NFATC3: variants seen among roughly 807,000 people sequenced by gnomAD.
NFATC3 encodes nuclear factor of activated T cells 3.
NFATC3 carries 46 observed loss-of-function variants against 98.6 expected under a neutral mutation model. The observed-to-expected ratio is 0.47, with a 90% CI of 0.37 to 0.60. The LOEUF is 0.60. Ranked by LOEUF, NFATC3 falls within the 20% of genes least tolerant of loss-of-function variation. The probability of loss-of-function intolerance (pLI) is 0.00; values close to 1 mark genes in which losing one functional copy is unlikely to be tolerated. For missense variants in NFATC3, 1,256 were observed against 1,295.5 expected, an observed-to-expected ratio of 0.97 and a Z score of 0.47; for synonymous variants, 512 against 472.2, an observed-to-expected ratio of 1.08 and a Z score of -1.09.
At chr16:68,166,724 C>G in intron 4 of NFATC3, 119 bp from the exon 5 acceptor site, 1 of 756,302 alleles carries the variant, frequency 1.3e-6, no homozygotes, top group East Asian at 2.7e-5. Flanking sequence ...ACATATCTTT[C>G]TTTTTTGACC....
At position 68,181,492 on chromosome 16, in the gene NFATC3, G is replaced by A. The variant is rs1414864480; in HGVS notation, c.1933G>A (p.Glu645Lys). The A allele has an allele frequency of 2.5e-6, 4 of 1,611,694 alleles. No homozygotes were observed. The highest frequency in any genetic ancestry group is 3.4e-6 in the Non-Finnish European group (4 of 1,178,180). ...EKGQDGRPQW[E>K]VEGKIIREKC... ...TTCAATAGATGGACGACCTCAGTGG[G>A]AGGTAGAAGGGAAGATAATCAGGGA... The change falls in exon 7 of 10, where the codon GAG (glutamate) becomes AAG (lysine). Residue 645 changes from glutamate to lysine, a missense_variant. Around this residue, in one of 3 missense-constraint regions of NFATC3, gnomAD observed 636 missense variants for 617.3 expected, o/e 1.03. Transcript: ENST00000346183.
At chr16:68,200,913 T>C (rs1345574508) in intron 9 of NFATC3, 1 of 152,184 alleles carries the variant, frequency 6.6e-6, no homozygotes. Flanking sequence ...ATAACAGATA[T>C]GGAAACTGTC....
At chr16:68,099,628 T>A (rs994715415) in intron 1 of NFATC3, among the ~76,000 whole-genome samples, 1 of 150,996 alleles carries the variant, frequency 6.6e-6, no homozygotes, top group East Asian at 1.9e-4. Flanking sequence ...ATAATAATAA[T>A]AATAAAAAAT....
chr16:68,158,191 A>G, intron 4 of NFATC3, 123 bp downstream of exon 4: 2 of 624,244 alleles, frequency 3.2e-6, no homozygotes, highest in Non-Finnish European at 5.2e-6. Flanking sequence ...TAAATAATGT[A>G]CATTTAGTAC....
intron 9 of NFATC3, among the ~76,000 whole-genome samples, chr16:68,207,983 A>G (rs1345841247): frequency 6.6e-6 from 1 of 151,994 alleles, no homozygotes; most frequent in Non-Finnish European, 1.5e-5. Flanking sequence ...GCATCTTTTC[A>G]TGTGCCTGTT....
At chr16:68,086,571 A>C in intron 1 of NFATC3, 21 of 862,608 alleles carry the variant, frequency 2.4e-5, no homozygotes, top group South Asian at 5.4e-5. Flanking sequence ...CTGGGGACTT[A>C]GAGCTCTTTT....
At chr16:68,186,761 G>C (rs1281097188) in intron 8 of NFATC3, among the ~76,000 whole-genome samples, 11 of 152,112 alleles carry the variant, frequency 7.2e-5, no homozygotes. Context: ...TTAGTATTTT[G>C]TTGTATGACC....
intron 2 of NFATC3, among the ~76,000 whole-genome samples, chr16:68,125,987 G>T (rs953815381): frequency 5.3e-5 from 8 of 151,998 alleles, no homozygotes; most frequent in African/African-American, 1.9e-4. Flanking sequence ...CCGTCTCCTG[G>T]GCTCAAGCAT....
chr16:68,150,581 CA>C (rs542057224), intron 3 of NFATC3, among the ~76,000 whole-genome samples: 83 of 137,692 alleles, frequency 6.0e-4, no homozygotes, highest in Non-Finnish European at 6.2e-4. Context: ...GACCCTGAAT[CA>C]AAAAAAAAAA....
At position 68,174,421 on chromosome 16, in the gene NFATC3, A is replaced by C; in HGVS notation, c.1822A>C (p.Asn608His). 1 of 1,604,138 alleles carries C rather than the reference A, an allele frequency of 6.2e-7. No individual in the cohort carries two copies. The highest frequency in any genetic ancestry group is 8.5e-7 in the Non-Finnish European group (1 of 1,175,360). The change falls in exon 6 of 10, where the codon AAC (asparagine) becomes CAC (histidine). Residue 608 changes from asparagine to histidine, a missense_variant. Physicochemically the swap from Asn to His is moderately conservative, Grantham distance 68 (BLOSUM62 1). Around this residue, in one of 3 missense-constraint regions of NFATC3, gnomAD observed 636 missense variants for 617.3 expected, o/e 1.03. Coordinates refer to ENST00000346183, the MANE Select transcript of NFATC3 (RefSeq NM_173165.3). The stretch of plus-strand genomic sequence containing the variant: ...TCCTCATATTGAGAAGTACAGTATC[A>C]ACAGTTGTTCTGTAAATGGAGGTCA... ...ELPHIEKYSINSCSVNGGHEM... is the reference protein window; with the variant it reads ...ELPHIEKYSIHSCSVNGGHEM...
chr16:68,094,368 T>C (rs559843867), intron 1 of NFATC3, among the ~76,000 whole-genome samples: 1 of 152,112 alleles, frequency 6.6e-6, no homozygotes, highest in South Asian at 2.1e-4. Context: ...TTAAAAATGC[T>C]CAATAGTCAG....
intron 1 of NFATC3, among the ~76,000 whole-genome samples, chr16:68,114,302 T>C (rs1002252246): frequency 2.6e-5 from 4 of 151,918 alleles, no homozygotes; most frequent in Non-Finnish European, 5.9e-5. Context: ...CCTGGATACC[T>C]CAGTTGACGG....
At chr16:68,213,561 C>T in intron 9 of NFATC3, among the ~76,000 whole-genome samples, 1 of 152,144 alleles carries the variant, frequency 6.6e-6, no homozygotes, top group East Asian at 1.9e-4. Context: ...GGCATGGTGG[C>T]TTACGCCTGT....
intron 2 of NFATC3, among the ~76,000 whole-genome samples, chr16:68,126,207 A>G (rs1651659372): frequency 6.6e-6 from 1 of 152,160 alleles, no homozygotes; most frequent in African/African-American, 2.4e-5. Context: ...TCTAAAATTT[A>G]TTTATCTTTA....
intron 5 of NFATC3, among the ~76,000 whole-genome samples, chr16:68,167,751 C>T (rs1315327442): frequency 7.1e-6 from 1 of 141,402 alleles, no homozygotes; most frequent in African/African-American, 2.6e-5. Flanking sequence ...GCCTAGAAAA[C>T]AGGTTTTCTT....
At position 68,226,418 on chromosome 16, in the gene NFATC3, G is replaced by T. The variant is rs111275665; in HGVS notation, c.3175G>T (p.Ala1059Ser). 463 of 1,570,410 alleles carry T rather than the reference G, an allele frequency of 2.9e-4. No homozygotes were observed. Among genetic ancestry groups the T allele is most frequent in the Middle Eastern group, 2.7e-3 (16 of 5,952 alleles). Residue 1059 changes from alanine (A) to serine (S), a missense_variant, in exon 10 of 10, where the codon GCT (alanine) becomes TCT (serine). Ala to Ser is a moderately conservative substitution (Grantham distance 99, BLOSUM62 1). Around this residue, in one of 3 missense-constraint regions of NFATC3, gnomAD observed 636 missense variants for 617.3 expected, o/e 1.03. Transcript: ENST00000346183. ...CCAAGGAGCAGGGGTGAGCAGGCAG[G>T]CTCCCCTCCCGAGTCCTGAGTCCCT... ...VSQGAGVSRQAPLPSPESLDL... is the reference protein window; with the variant it reads ...VSQGAGVSRQSPLPSPESLDL...
At chr16:68,185,756 GGGAGGCTGAGGCA>G (rs962536162) in intron 8 of NFATC3, among the ~76,000 whole-genome samples, 23 of 151,682 alleles carry the variant, frequency 1.5e-4, no homozygotes, top group Non-Finnish European at 2.2e-4. Context: ...CTAGCTACTC[GGGAGGCTGAGGCA>G]GGAGAATGGC....
intron 1 of NFATC3, chr16:68,089,315 A>G: frequency 1.0e-6 from 1 of 966,302 alleles, no homozygotes; most frequent in Non-Finnish European, 1.2e-6. Context: ...ACGCTTAATA[A>G]TGTTGTATGT....
intron 9 of NFATC3, among the ~76,000 whole-genome samples, chr16:68,195,962 A>G (rs890826856): frequency 1.3e-5 from 2 of 152,090 alleles, no homozygotes; most frequent in Admixed American, 6.6e-5. Flanking sequence ...AAAGGGATCA[A>G]TCCTCCCACT....
Sources: gnomAD v4.1 joint callset for allele counts (sites outside exome capture counted in the v4.1 genomes callset) on GRCh38, gnomAD v4.1.1 for gene constraint, gnomAD v4.1.1 regional missense constraint, MANE v1.5 for transcripts, NCBI Gene and HGNC (gene_info 2026-07-23, HGNC 2026-07-21) for gene names.